The following MRPS28 variants were observed in gnomAD, a reference collection of about 807,000 sequenced individuals.
MRPS28 encodes the protein mitochondrial ribosomal protein S28, also known as small ribosomal subunit protein bS1m.
A neutral mutation model predicts 10.8 loss-of-function variants in MRPS28; 7 were observed. That is an observed-to-expected ratio of 0.65 (90% CI 0.37 to 1.22). The LOEUF (loss-of-function observed/expected upper bound fraction) is 1.22, where lower values mean the gene tolerates loss of function less well. Among genes scored for constraint, MRPS28 ranks in the 50% most tolerant of loss-of-function variants. The probability of loss-of-function intolerance (pLI) is 0.02; values close to 1 mark genes in which losing one functional copy is unlikely to be tolerated. For missense variants in MRPS28, 265 were observed against 232.9 expected (o/e 1.14, Z -0.90); for synonymous variants, 121 against 93.3 (o/e 1.30, Z -1.71).
At chr8:79,947,461 C>CT (rs1190563948) in intron 2 of MRPS28, among the ~76,000 whole-genome samples, 1 of 151,948 alleles carries the variant, frequency 6.6e-6, no homozygotes, top group Non-Finnish European at 1.5e-5. Flanking sequence ...ATGATTTTGA[C>CT]TGAGATTACA....
At position 79,938,230 on chromosome 8, in the gene MRPS28, G is replaced by A. The variant is rs940496985; in HGVS notation, c.396-19082C>T. Among the ~76,000 whole-genome samples, 4 of 26,592 alleles carry A rather than the reference G, an allele frequency of 1.5e-4. No individual in the cohort carries two copies. The South Asian group carries it at 0.011, about 74-fold the overall frequency. 17.4% of individuals were successfully genotyped at this position (26,592 alleles called of 152,430 possible). The stretch of plus-strand genomic sequence containing the variant: ...AGTGCTACATTAAAAAGACATAGGT[G>A]GGGGGGGGCATGCTCCTCCTATTTG... On this transcript the variant is annotated intron_variant, in intron 2 of 2. Transcript: ENST00000276585.
At chr8:80,011,139 TTA>T (rs769248251) in intron 1 of MRPS28, among the ~76,000 whole-genome samples, 10 of 148,046 alleles carry the variant, frequency 6.8e-5, no homozygotes, top group African/African-American at 2.3e-4. Context: ...TTTTTTATTT[TTA>T]TTTTTTTTTG....
At chr8:79,954,819 C>T (rs1807162887) in intron 2 of MRPS28, among the ~76,000 whole-genome samples, 1 of 152,048 alleles carries the variant, frequency 6.6e-6, no homozygotes, top group South Asian at 2.1e-4. Flanking sequence ...TTGAAATATG[C>T]AGTGGAATAA....
intron 2 of MRPS28, among the ~76,000 whole-genome samples, chr8:79,937,835 C>A (rs1197132629): frequency 6.6e-6 from 1 of 152,042 alleles, no homozygotes; most frequent in Non-Finnish European, 1.5e-5. Context: ...ATGAGAGACA[C>A]AGGGCTGTAC....
intron 2 of MRPS28, among the ~76,000 whole-genome samples, chr8:79,924,849 G>C (rs1810191488): frequency 6.6e-6 from 1 of 152,074 alleles, no homozygotes; most frequent in Admixed American, 6.6e-5. Flanking sequence ...TGCCTATAAA[G>C]AGTCTCTCAT....
At chr8:79,987,835 T>C (rs1785455319) in intron 2 of MRPS28, among the ~76,000 whole-genome samples, 1 of 152,206 alleles carries the variant, frequency 6.6e-6, no homozygotes, top group Admixed American at 6.5e-5. Context: ...GGTGGGACAC[T>C]AGTTTAACCA....
intron 1 of MRPS28, among the ~76,000 whole-genome samples, chr8:80,017,457 G>A (rs1809225660): frequency 6.6e-6 from 1 of 151,288 alleles, no homozygotes; most frequent in Non-Finnish European, 1.5e-5. Flanking sequence ...GAACATTAAA[G>A]AAATACTATA....
intron 2 of MRPS28, among the ~76,000 whole-genome samples, chr8:79,954,425 C>G (rs560295152): frequency 6.6e-6 from 1 of 152,146 alleles, no homozygotes; most frequent in South Asian, 2.1e-4. Flanking sequence ...TATTCTGCAA[C>G]GATTCTGAAA....
intron 2 of MRPS28, among the ~76,000 whole-genome samples, chr8:79,964,053 T>C (rs1448853066): frequency 6.6e-6 from 1 of 152,168 alleles, no homozygotes; most frequent in Non-Finnish European, 1.5e-5. Flanking sequence ...ATTTCTCTTA[T>C]GGCCACTTAT....
intron 2 of MRPS28, among the ~76,000 whole-genome samples, chr8:79,930,714 G>C (rs2084860): frequency 0.61 from 92,569 of 152,052 alleles, 29,697 homozygotes; most frequent in East Asian, 0.76. Context: ...CAGTGACCAG[G>C]ATGCAAGCTG....
intron 1 of MRPS28, among the ~76,000 whole-genome samples, chr8:80,016,855 G>A (rs918216877): frequency 1.7e-4 from 26 of 152,168 alleles, no homozygotes; most frequent in African/African-American, 5.5e-4. Flanking sequence ...ATTACAGTTG[G>A]AGACTTTAAT....
At chr8:79,932,584 G>A (rs181449859) in intron 2 of MRPS28, among the ~76,000 whole-genome samples, 67 of 152,300 alleles carry the variant, frequency 4.4e-4, no homozygotes, top group South Asian at 1.2e-3. Flanking sequence ...TCTTTTAGGT[G>A]CTCTGGAAAG....
chr8:79,973,944 G>A (rs1297717060), intron 2 of MRPS28, among the ~76,000 whole-genome samples: 2 of 151,906 alleles, frequency 1.3e-5, no homozygotes, highest in Non-Finnish European at 2.9e-5. Context: ...AGAGATAAGG[G>A]TCTTGCTATG....
intron 2 of MRPS28, among the ~76,000 whole-genome samples, chr8:79,980,417 G>C (rs1249025524): frequency 6.6e-6 from 1 of 152,164 alleles, no homozygotes; most frequent in Non-Finnish European, 1.5e-5. Context: ...TGACAACATA[G>C]CCAACTATGA....
Position 79,966,950 on chromosome 8 carries a change from A to G in MRPS28, c.395+36049T>C, listed in dbSNP as rs180677408. Among the ~76,000 whole-genome samples, 169 of 152,296 alleles carry G rather than the reference A, an allele frequency of 1.1e-3. 2 individuals carry two copies. Among genetic ancestry groups the G allele is most frequent in the Admixed American group, 9.7e-3 (149 of 15,288 alleles). On this transcript the variant is annotated intron_variant, in intron 2 of 2. Transcript: ENST00000276585. Reference sequence around the variant, plus strand: ...AAAATTTTCCATCCTAAAAGTATTTATGATTCTTTGACCCCAATTCACATA... The same window carrying G: ...AAAATTTTCCATCCTAAAAGTATTTGTGATTCTTTGACCCCAATTCACATA...
At position 80,019,234 on chromosome 8, in the gene MRPS28, G is replaced by A. The variant is rs185206664; in HGVS notation, c.213+10802C>T. 1.3e-3 allele frequency among the ~76,000 whole-genome samples: 191 copies of A among 150,368 alleles called. 1 individual carries two copies. Among genetic ancestry groups the A allele is most frequent in the African/African-American group, 4.1e-3 (166 of 40,762 alleles). ...TTAACACAAAGAGTAAATGCTTGAAGGAATGGATACTCTATTTACTATGAT... is the reference window on the plus strand; with the variant it reads ...TTAACACAAAGAGTAAATGCTTGAAAGAATGGATACTCTATTTACTATGAT... On this transcript the variant is annotated intron_variant, in intron 1 of 2. Coordinates refer to ENST00000276585, the MANE Select transcript of MRPS28 (RefSeq NM_014018.3).
chr8:80,028,324 T>G (rs1809542041), intron 1 of MRPS28, among the ~76,000 whole-genome samples: 1 of 152,030 alleles, frequency 6.6e-6, no homozygotes, highest in Admixed American at 6.5e-5. Flanking sequence ...AGCACTGAAC[T>G]CTATGTTTCC....
intron 2 of MRPS28, among the ~76,000 whole-genome samples, chr8:79,952,620 C>T (rs79700607): frequency 9.9e-5 from 15 of 152,284 alleles, no homozygotes; most frequent in African/African-American, 3.6e-4. Context: ...TCCCTGTTTA[C>T]TACCTACCCC....
intron 1 of MRPS28, among the ~76,000 whole-genome samples, chr8:80,019,407 T>TA (rs1280025684): frequency 6.6e-6 from 1 of 151,116 alleles, no homozygotes; most frequent in African/African-American, 2.4e-5. Flanking sequence ...CACATGGTCG[T>TA]ATTTCATTTC....
Sources: allele counts gnomAD v4.1 joint callset (sites outside exome capture counted in the v4.1 genomes callset), GRCh38; gene constraint gnomAD v4.1.1; transcripts MANE v1.5; gene names NCBI Gene and HGNC (gene_info 2026-07-23, HGNC 2026-07-21).